POLD3: variants seen among roughly 807,000 people sequenced by gnomAD.
POLD3 encodes the protein DNA polymerase delta 3, accessory subunit.
POLD3 carries 19 observed loss-of-function variants against 58.2 expected under a neutral mutation model. That is an observed-to-expected ratio of 0.33 (90% confidence interval 0.23 to 0.48). The LOEUF (loss-of-function observed/expected upper bound fraction) is 0.48, where lower values mean the gene tolerates loss of function less well. Among genes scored for constraint, POLD3 ranks in the 20% least tolerant of loss-of-function variants. The pLI, the probability that POLD3 is intolerant of heterozygous loss-of-function variation, is 0.99. For synonymous variants in POLD3, 172 were observed against 193.5 expected (o/e 0.89, Z 0.92); for missense variants, 504 against 545.5 (o/e 0.92, Z 0.76).
chr11:74,618,121 G>A (rs1591303571), intron 5 of POLD3, among the ~76,000 whole-genome samples: 1 of 152,092 alleles, frequency 6.6e-6, no homozygotes, highest in African/African-American at 2.4e-5. Flanking sequence ...CCCTATCAGA[G>A]GAAGGTCTTT....
At chr11:74,615,345 T>TA (rs2032051443) in intron 5 of POLD3, among the ~76,000 whole-genome samples, 1 of 151,840 alleles carries the variant, frequency 6.6e-6, no homozygotes, top group Non-Finnish European at 1.5e-5. Flanking sequence ...GAGATAAGAG[T>TA]ATATGGGGTT....
intron 2 of POLD3, among the ~76,000 whole-genome samples, chr11:74,598,674 G>T: frequency 6.6e-6 from 1 of 152,158 alleles, no homozygotes; most frequent in East Asian, 1.9e-4. Context: ...TTTAGCTGGG[G>T]CAGTGGACTA....
chr11:74,600,072 A>C (rs1264913716), intron 2 of POLD3, among the ~76,000 whole-genome samples: 1 of 151,446 alleles, frequency 6.6e-6, no homozygotes, highest in Non-Finnish European at 1.5e-5. Context: ...CAGCCTCCCG[A>C]GTAGCTGGGA....
At chr11:74,651,050 C>T (rs1384900077) in intron 4 of POLD3, among the ~76,000 whole-genome samples, 2 of 152,220 alleles carry the variant, frequency 1.3e-5, no homozygotes, top group Non-Finnish European at 2.9e-5. Flanking sequence ...TTTCTGTCTA[C>T]AGAGCACCTC....
chr11:74,609,224 CCAATT>C (rs1191607386), intron 3 of POLD3, among the ~76,000 whole-genome samples: 1 of 151,208 alleles, frequency 6.6e-6, no homozygotes, highest in Admixed American at 6.6e-5. Context: ...ACTGAAGCCA[CCAATT>C]CAATATCTAG....
intron 2 of POLD3, among the ~76,000 whole-genome samples, chr11:74,603,383 G>C (rs1041964045): frequency 6.6e-6 from 1 of 152,202 alleles, no homozygotes; most frequent in African/African-American, 2.4e-5. Flanking sequence ...AAGAAGTGAA[G>C]TATAATGACT....
intron 2 of POLD3, among the ~76,000 whole-genome samples, chr11:74,594,894 C>G (rs2031173064): frequency 6.6e-6 from 1 of 152,134 alleles, no homozygotes. Flanking sequence ...GGGAACTGCC[C>G]CCATAATTCA....
intron 2 of POLD3, among the ~76,000 whole-genome samples, chr11:74,600,634 C>CA (rs1343035749): frequency 1.4e-5 from 2 of 147,890 alleles, no homozygotes; most frequent in East Asian, 4.0e-4. Context: ...ACTCTATCTC[C>CA]AAAAAAACAG....
downstream of POLD3, among the ~76,000 whole-genome samples, chr11:74,644,787 C>G (rs181764616): frequency 4.6e-5 from 7 of 152,346 alleles, no homozygotes; most frequent in African/African-American, 1.7e-4. Context: ...CACCTTGGCT[C>G]CCTGTACCTA....
chr11:74,601,294 A>C (rs2031487091), intron 2 of POLD3, among the ~76,000 whole-genome samples: 1 of 152,200 alleles, frequency 6.6e-6, no homozygotes, highest in Non-Finnish European at 1.5e-5. Flanking sequence ...TTATCCTTCT[A>C]ACACAATTGT....
intron 8 of POLD3, among the ~76,000 whole-genome samples, chr11:74,627,425 T>G (rs2032463409): frequency 6.6e-6 from 1 of 151,686 alleles, no homozygotes; most frequent in Non-Finnish European, 1.5e-5. Flanking sequence ...AGTTATAAAA[T>G]TGAAAATACA....
At chr11:74,647,001 CAG>C (rs1396529962), downstream of POLD3, among the ~76,000 whole-genome samples, 1 of 152,226 alleles carries the variant, frequency 6.6e-6, no homozygotes, top group African/African-American at 2.4e-5. Context: ...TGTTCCACCT[CAG>C]ATCATCAGGC....
chr11:74,645,926 C>T (rs1419807475), downstream of POLD3, among the ~76,000 whole-genome samples: 1 of 151,828 alleles, frequency 6.6e-6, no homozygotes, highest in African/African-American at 2.4e-5. Flanking sequence ...CCATACCGCC[C>T]AGTGATGATT....
chr11:74,656,448 A>G (rs1332271283), intron 4 of POLD3, among the ~76,000 whole-genome samples: 1 of 152,162 alleles, frequency 6.6e-6, no homozygotes, highest in Non-Finnish European at 1.5e-5. Flanking sequence ...TTAGCCAGGC[A>G]TGGTGGCACG....
At chr11:74,662,427 C>G (rs577679926) in intron 4 of POLD3, among the ~76,000 whole-genome samples, 18 of 152,176 alleles carry the variant, frequency 1.2e-4, no homozygotes, top group Non-Finnish European at 2.4e-4. Context: ...GGCCCCTTCT[C>G]TTCAAGGGAA....
At chr11:74,595,643 A>C (rs2031216361) in intron 2 of POLD3, 1 of 152,156 alleles carries the variant, frequency 6.6e-6, no homozygotes, top group Admixed American at 6.5e-5. Flanking sequence ...TTGAGACAGG[A>C]TGTCACTCTG....
At chr11:74,646,563 C>T (rs140560749), downstream of POLD3, among the ~76,000 whole-genome samples, 77 of 152,340 alleles carry the variant, frequency 5.1e-4, no homozygotes, top group Middle Eastern at 3.4e-3. Context: ...CACCAGGAAA[C>T]TTCCAAATAG....
At chr11:74,608,555 T>G (rs1350905081) in intron 3 of POLD3, among the ~76,000 whole-genome samples, 2 of 152,240 alleles carry the variant, frequency 1.3e-5, no homozygotes, top group Non-Finnish European at 2.9e-5. Context: ...CTAACTCCCG[T>G]GTCCACTTTA....
chr11:74,597,637 T>C (rs538919594), intron 2 of POLD3, among the ~76,000 whole-genome samples: 1 of 152,314 alleles, frequency 6.6e-6, no homozygotes, highest in East Asian at 1.9e-4. Context: ...CTTTTTGTAT[T>C]TTTTGTAGAG....
Sources: gnomAD v4.1 joint callset for allele counts (sites outside exome capture counted in the v4.1 genomes callset) on GRCh38, gnomAD v4.1.1 for gene constraint, MANE v1.5 for transcripts, NCBI Gene and HGNC (gene_info 2026-07-23, HGNC 2026-07-21) for gene names.